TTC29: variants seen among roughly 807,000 people sequenced by gnomAD.
The protein encoded by TTC29 is tetratricopeptide repeat protein 29.
A neutral mutation model predicts 58.1 loss-of-function variants in TTC29; 49 were observed. The ratio of observed to expected loss-of-function variants is 0.84; its 90% CI spans 0.67 to 1.07. The LOEUF is 1.07. TTC29 is among the 50% of genes least tolerant of loss of function. The pLI, the probability that TTC29 is intolerant of heterozygous loss-of-function variation, is 0.00. For synonymous variants in TTC29, 209 were observed against 196.8 expected (o/e 1.06, Z -0.52); for missense variants, 582 against 555.6 (o/e 1.05, Z -0.48).
chr4:146,901,498 CA>C (rs1340687671), intron 6 of TTC29, among the ~76,000 whole-genome samples: 5 of 152,212 alleles, frequency 3.3e-5, no homozygotes, highest in African/African-American at 1.2e-4. Flanking sequence ...CCTTGGCCTA[CA>C]AGCCCCAGTG....
Position 146,803,556 on chromosome 4 carries a change from T to C in TTC29, c.1231A>G (p.Thr411Ala). ...GIAKAHQMML[T>A]VNNYIESADL... ...GCAGACTCTATATAGTTGTTCACTG[T>C]AAGCATCATCTGATGAGCTTTTGCT... The change falls in exon 11 of 13, where the codon ACA becomes GCA. Residue 411 changes from threonine (T) to alanine (A), a missense_variant. Physicochemically the swap from Thr to Ala is moderately conservative, Grantham distance 58. Coordinates refer to ENST00000325106, the MANE Select transcript of TTC29 (RefSeq NM_031956.4). The C allele has an allele frequency of 6.2e-7, 1 of 1,605,776 alleles. No homozygotes were observed.
intron 4 of TTC29, among the ~76,000 whole-genome samples, chr4:146,935,829 C>T (rs1282146335): frequency 6.6e-6 from 1 of 152,128 alleles, no homozygotes; most frequent in Non-Finnish European, 1.5e-5. Context: ...AGCTGAATGG[C>T]TATAAAGAGT....
intron 9 of TTC29, among the ~76,000 whole-genome samples, chr4:146,828,558 T>C (rs1442851768): frequency 6.6e-6 from 1 of 152,094 alleles, no homozygotes; most frequent in Non-Finnish European, 1.5e-5. Flanking sequence ...ACCAATATAT[T>C]TTTGAAGAAA....
intron 10 of TTC29, among the ~76,000 whole-genome samples, chr4:146,805,970 A>C (rs1750585549): frequency 6.6e-6 from 1 of 152,194 alleles, no homozygotes; most frequent in Admixed American, 6.5e-5. Flanking sequence ...AACAATGTTA[A>C]GGGCAGCCAG....
intron 6 of TTC29, among the ~76,000 whole-genome samples, chr4:146,894,601 T>C (rs954443223): frequency 6.6e-6 from 1 of 151,840 alleles, no homozygotes; most frequent in Non-Finnish European, 1.5e-5. Context: ...TAATGGGTGT[T>C]GTACACCAAC....
At chr4:146,867,167 GTTAC>G (rs1285065021) in intron 8 of TTC29, among the ~76,000 whole-genome samples, 1 of 151,918 alleles carries the variant, frequency 6.6e-6, no homozygotes, top group Non-Finnish European at 1.5e-5. Context: ...TTTCTTTTTT[GTTAC>G]TTACTTTTTA....
intron 7 of TTC29, among the ~76,000 whole-genome samples, chr4:146,871,523 A>G (rs1453501400): frequency 6.6e-6 from 1 of 151,980 alleles, no homozygotes; most frequent in Non-Finnish European, 1.5e-5. Flanking sequence ...TAAAGAATCC[A>G]TAACAAACTG....
intron 11 of TTC29, among the ~76,000 whole-genome samples, chr4:146,742,722 CT>C (rs1178498736): frequency 8.3e-4 from 112 of 135,650 alleles, no homozygotes; most frequent in Non-Finnish European, 1.4e-3. Context: ...CTTCCCTCCC[CT>C]CCCTTCTGCT....
At chr4:146,914,956 G>A (rs150676867) in intron 4 of TTC29, among the ~76,000 whole-genome samples, 169 of 152,266 alleles carry the variant, frequency 1.1e-3, no homozygotes, top group African/African-American at 3.8e-3. Flanking sequence ...ATATTATAGT[G>A]TTTTAAAATT....
At chr4:146,825,227 C>T (rs1454799464) in intron 9 of TTC29, among the ~76,000 whole-genome samples, 2 of 152,014 alleles carry the variant, frequency 1.3e-5, no homozygotes, top group South Asian at 4.1e-4. Flanking sequence ...CCACTTTCTC[C>T]TGTGGGCATT....
intron 11 of TTC29, among the ~76,000 whole-genome samples, chr4:146,757,913 G>A (rs182509832): frequency 1.8e-4 from 26 of 144,008 alleles, no homozygotes; most frequent in African/African-American, 3.2e-4. Context: ...GTTAAAAAGC[G>A]AAAACCAAAA....
chr4:146,719,189 GGTGTGTGTGT>G (rs60552473), intron 11 of TTC29, among the ~76,000 whole-genome samples: 12 of 144,184 alleles, frequency 8.3e-5, no homozygotes, highest in South Asian at 2.3e-4. Flanking sequence ...TGGCTATTGG[GGTGTGTGTGT>G]GTGTGTGTGT....
intron 4 of TTC29, among the ~76,000 whole-genome samples, chr4:146,926,465 T>TTTTTTTG (rs1019931057): frequency 1.4e-4 from 22 of 152,256 alleles, no homozygotes; most frequent in Non-Finnish European, 2.6e-4. Flanking sequence ...TACAAAGGTT[T>TTTTTTTG]TTTTTTGTTT....
At chr4:146,731,464 C>T (rs2150021453) in intron 11 of TTC29, among the ~76,000 whole-genome samples, 1 of 152,026 alleles carries the variant, frequency 6.6e-6, no homozygotes, top group African/African-American at 2.4e-5. Flanking sequence ...CAGAAACATT[C>T]AATTGTAAGA....
chr4:146,708,341 T>TATATGTATATATATATATATATATATAC (rs1742190583), intron 11 of TTC29, among the ~76,000 whole-genome samples: 2 of 62,858 alleles, frequency 3.2e-5, no homozygotes, highest in East Asian at 1.3e-3. Context: ...TATATATATA[T>TATATGTATATATATATATATATATATAC]ATATATATAT....
chr4:146,844,732 T>C (rs894809528), intron 8 of TTC29, among the ~76,000 whole-genome samples: 6 of 152,158 alleles, frequency 3.9e-5, no homozygotes, highest in Admixed American at 3.9e-4. Flanking sequence ...TTGGGTTATA[T>C]TTTGCTAGGA....
chr4:146,729,534 T>G (rs1744173866), intron 11 of TTC29, among the ~76,000 whole-genome samples: 1 of 152,186 alleles, frequency 6.6e-6, no homozygotes, highest in South Asian at 2.1e-4. Context: ...AGAGCTTGGA[T>G]GTCTGCTCTG....
intron 8 of TTC29, among the ~76,000 whole-genome samples, chr4:146,848,222 T>C (rs1045690957): frequency 1.3e-5 from 2 of 152,226 alleles, no homozygotes; most frequent in Non-Finnish European, 2.9e-5. Flanking sequence ...CCTCAGCCTA[T>C]GCAAAGAGTA....
chr4:146,788,994 G>T (rs975712313), intron 11 of TTC29, among the ~76,000 whole-genome samples: 2 of 152,144 alleles, frequency 1.3e-5, no homozygotes, highest in African/African-American at 4.8e-5. Context: ...GGGGATAGAT[G>T]CACTGAATAA....
Sources: gnomAD v4.1 joint callset for allele counts (sites outside exome capture counted in the v4.1 genomes callset) on GRCh38, gnomAD v4.1.1 for gene constraint, MANE v1.5 for transcripts, NCBI Gene and HGNC (gene_info 2026-07-23, HGNC 2026-07-21) for gene names.